CDRT4: variants seen among roughly 807,000 people sequenced by gnomAD.
The protein encoded by CDRT4 is CMT1A duplicated region transcript 4.
For missense variants in CDRT4, 167 were observed against 193.1 expected (o/e 0.87, Z 0.80); for synonymous variants, 64 against 69.6 (o/e 0.92, Z 0.40).
chr17:15,442,228 T>C (rs1311800870), intron 2 of CDRT4, among the ~76,000 whole-genome samples: 3 of 152,090 alleles, frequency 2.0e-5, no homozygotes, highest in Non-Finnish European at 2.9e-5. Flanking sequence ...CTGGCTAACA[T>C]GGTGAAACCC....
At chr17:15,466,565 C>T (rs895309175) in intron 1 of CDRT4, among the ~76,000 whole-genome samples, 4 of 152,168 alleles carry the variant, frequency 2.6e-5, no homozygotes, top group African/African-American at 9.7e-5. Flanking sequence ...CTCACTGACA[C>T]CCAGGCTGGA....
chr17:15,457,450 C>G (rs1293674883), intron 1 of CDRT4, among the ~76,000 whole-genome samples: 1 of 152,206 alleles, frequency 6.6e-6, no homozygotes, highest in African/African-American at 2.4e-5. Flanking sequence ...GCATGGAGCC[C>G]ACAGAGCGGG....
intron 1 of CDRT4, among the ~76,000 whole-genome samples, chr17:15,459,839 T>C (rs1240439592): frequency 6.6e-6 from 1 of 152,144 alleles, no homozygotes; most frequent in Non-Finnish European, 1.5e-5. Context: ...CCATACGGAA[T>C]GATCTCCTTT....
chr17:15,457,955 G>A (rs1189730545), intron 1 of CDRT4, among the ~76,000 whole-genome samples: 3 of 152,204 alleles, frequency 2.0e-5, no homozygotes, highest in Non-Finnish European at 4.4e-5. Context: ...GTGAAAGCCC[G>A]AAGGAAACAG....
chr17:15,459,439 CTTTTTTTT>C (rs35161691), intron 1 of CDRT4, among the ~76,000 whole-genome samples: 2 of 107,484 alleles, frequency 1.9e-5, no homozygotes, highest in African/African-American at 7.7e-5. Context: ...CTTTTTTTTT[CTTTTTTTT>C]TTTTTTTTTT....
intron 1 of CDRT4, among the ~76,000 whole-genome samples, chr17:15,461,336 C>T (rs1979738976): frequency 6.6e-6 from 1 of 152,236 alleles, no homozygotes; most frequent in Non-Finnish European, 1.5e-5. Flanking sequence ...AAGTCGGCCT[C>T]TGCAGTTCCG....
rs1978457056 is a variant in CDRT4 at position 15,436,089 on chromosome 17, T to C, written c.*1684A>G. ...TTCCATGGACACAAAATACAATCATTCAAATTCCCTGGAAACCACCTATAT... is the reference window on the plus strand; with the variant it reads ...TTCCATGGACACAAAATACAATCATCCAAATTCCCTGGAAACCACCTATAT... On this transcript the variant is annotated 3_prime_UTR_variant, in exon 4 of 4. Transcript: ENST00000619038. 6.6e-6 allele frequency: 1 copy of C among 150,586 alleles called. No homozygotes were observed. The highest frequency in any genetic ancestry group is 2.1e-4 in the South Asian group (1 of 4,824). The allele number at this position is 150,586 out of a possible 1,614,324, so 9.3% of individuals were successfully genotyped here.
Position 15,451,900 on chromosome 17 carries a change from G to A in CDRT4, c.-48+1104C>T, listed in dbSNP as rs569468345. On this transcript the variant is annotated intron_variant, in intron 2 of 3. Coordinates refer to ENST00000619038, the MANE Select transcript of CDRT4 (RefSeq NM_001204477.2). ...ACTAGACTATAAGCCACATGACAGC[G>A]ATGATCTCATCCATCACATTCATTG... Among the ~76,000 whole-genome samples the A allele has an allele frequency of 1.9e-4, 29 of 152,134 alleles. 1 individual carries two copies. Among genetic ancestry groups the A allele is most frequent in the East Asian group, 5.8e-4 (3 of 5,198 alleles).
chr17:15,453,277 C>T (rs1198715429), intron 1 of CDRT4, among the ~76,000 whole-genome samples, 192 bp from the exon 2 acceptor site: 1 of 152,138 alleles, frequency 6.6e-6, no homozygotes, highest in African/African-American at 2.4e-5. Context: ...GGGCAGAAAC[C>T]TTTAATTATT....
In CDRT4 at chr17:15,437,325, TCC is replaced by T. The variant is rs140122170; in HGVS notation, c.*446_*447del. 0.017 allele frequency: 3,450 copies of T among 206,556 alleles called. 120 individuals are homozygous for T. The highest frequency in any genetic ancestry group is 0.073 in the African/African-American group (3,125 of 43,066). 12.8% of individuals were successfully genotyped at this position (206,556 alleles called of 1,614,324 possible). ...CCACCTTTCAATGAGTCCAGCATCT[TCC>T]CCTTGTTCCCAAGCCTCAAGTGTGA... On this transcript the variant is annotated 3_prime_UTR_variant, in exon 4 of 4. Transcript: ENST00000619038.
At position 15,450,352 on chromosome 17, in the gene CDRT4, T is replaced by C. The variant is rs75741000; in HGVS notation, c.-48+2652A>G. 5.0e-3 allele frequency among the ~76,000 whole-genome samples: 754 copies of C among 152,266 alleles called. 9 individuals are homozygous for C. The highest frequency in any genetic ancestry group is 0.017 in the African/African-American group (705 of 41,534). On this transcript the variant is annotated intron_variant, in intron 2 of 3. Coordinates refer to ENST00000619038, the MANE Select transcript of CDRT4 (RefSeq NM_001204477.2). The surrounding 1 kb of genome is among the most constrained non-coding windows in gnomAD (Gnocchi z 4.2). ...CACTATGCCTTCCTTCCCACTACTA[T>C]GAATGAGGCATCTGTATTCCTGTCA... is the stretch of plus-strand genomic sequence containing the variant.
chr17:15,451,094 T>C (rs896576617), intron 2 of CDRT4, among the ~76,000 whole-genome samples: 1 of 152,180 alleles, frequency 6.6e-6, no homozygotes, highest in Non-Finnish European at 1.5e-5. Flanking sequence ...CCCCACGTGT[T>C]GTGGGAGGGA....
chr17:15,458,064 T>C (rs1008685368), intron 1 of CDRT4, among the ~76,000 whole-genome samples: 14 of 152,204 alleles, frequency 9.2e-5, no homozygotes, highest in African/African-American at 3.4e-4. Flanking sequence ...AGGCTCTGTG[T>C]GCAGGGCAAG....
chr17:15,446,084 A>T (rs1362998513), intron 2 of CDRT4, among the ~76,000 whole-genome samples: 1 of 151,690 alleles, frequency 6.6e-6, no homozygotes. Context: ...AGATCTGGAA[A>T]GATGCTCCTG....
chr17:15,449,319 T>C (rs1182702645), intron 2 of CDRT4, among the ~76,000 whole-genome samples: 1 of 152,252 alleles, frequency 6.6e-6, no homozygotes, highest in Non-Finnish European at 1.5e-5. Flanking sequence ...TAACCCCATT[T>C]CACAGGCAAG....
chr17:15,442,478 T>C (rs1176555460), intron 2 of CDRT4, among the ~76,000 whole-genome samples: 1 of 151,914 alleles, frequency 6.6e-6, no homozygotes, highest in Non-Finnish European at 1.5e-5. Flanking sequence ...GGATGCCAGA[T>C]GGTGGAAATA....
chr17:15,439,855 C>T (rs1211633674), intron 3 of CDRT4, among the ~76,000 whole-genome samples: 3 of 151,936 alleles, frequency 2.0e-5, no homozygotes, highest in African/African-American at 4.8e-5. Flanking sequence ...AACCAAACAC[C>T]GTTATGTTCT....
At chr17:15,444,745 A>AGAGAGAGAGG (rs1978941433) in intron 2 of CDRT4, among the ~76,000 whole-genome samples, 1 of 150,820 alleles carries the variant, frequency 6.6e-6, no homozygotes, top group Admixed American at 6.6e-5. Flanking sequence ...AGAGAGAGAG[A>AGAGAGAGAGG]GGTCCAGAAG....
chr17:15,456,563 T>TACACACACACACAC (rs3029212), intron 1 of CDRT4, among the ~76,000 whole-genome samples: 2,276 of 145,674 alleles, frequency 0.016, 51 homozygotes, highest in African/African-American at 0.046. Context: ...AATCTTCCTT[T>TACACACACACACAC]ACACACACAC....
Sources: allele counts gnomAD v4.1 joint callset (sites outside exome capture counted in the v4.1 genomes callset), GRCh38; gene constraint gnomAD v4.1.1; non-coding constraint Gnocchi (gnomAD v3.1); transcripts MANE v1.5; gene names NCBI Gene and HGNC (gene_info 2026-07-23, HGNC 2026-07-21).